GRAMD1C: variants seen among roughly 807,000 people sequenced by gnomAD.
GRAMD1C encodes the protein GRAM domain containing 1C.
In GRAMD1C, 89 loss-of-function variants were observed where a neutral mutation model predicts 97.8. That is an observed-to-expected ratio of 0.91 (90% CI 0.77 to 1.09). The LOEUF (loss-of-function observed/expected upper bound fraction) is 1.09. Ranked by LOEUF, GRAMD1C falls within the 50% of genes least tolerant of loss-of-function variation. The pLI, the probability that GRAMD1C is intolerant of heterozygous loss-of-function variation, is 0.00. For synonymous variants in GRAMD1C, 256 were observed against 267.0 expected (o/e 0.96, Z 0.40); for missense variants, 740 against 766.4 (o/e 0.97, Z 0.41).
intron 8 of GRAMD1C, among the ~76,000 whole-genome samples, chr3:113,906,789 T>C (rs1031718921): frequency 6.6e-6 from 1 of 152,218 alleles, no homozygotes; most frequent in African/African-American, 2.4e-5. Flanking sequence ...AACTCAGTCC[T>C]GTAAGCTCCA....
chr3:113,891,522 C>T (rs1273178400), intron 6 of GRAMD1C, among the ~76,000 whole-genome samples: 1 of 151,928 alleles, frequency 6.6e-6, no homozygotes, highest in Non-Finnish European at 1.5e-5. Context: ...AAATATACAG[C>T]ATAGCTACAA....
intron 6 of GRAMD1C, among the ~76,000 whole-genome samples, chr3:113,899,863 T>C (rs1425911444): frequency 2.0e-5 from 3 of 152,194 alleles, no homozygotes; most frequent in African/African-American, 7.2e-5. Flanking sequence ...TTATTAAAGA[T>C]AAATCAAAGG....
intron 6 of GRAMD1C, among the ~76,000 whole-genome samples, chr3:113,886,777 G>GTTTTTTTTTTTTTTTTTTTTTTTTTT (rs34683672): frequency 1.2e-5 from 1 of 80,042 alleles, no homozygotes; most frequent in Non-Finnish European, 2.3e-5. Context: ...TTGTTTGCTT[G>GTTTTTTTTTTTTTTTTTTTTTTTTTT]TTTTTTTTTT....
intron 10 of GRAMD1C, chr3:113,919,335 C>T (rs1430202562): frequency 2.0e-6 from 1 of 491,818 alleles, no homozygotes; most frequent in Non-Finnish European, 4.1e-6. Context: ...AGTAGAAAAA[C>T]ACCATCTCTT....
intron 2 of GRAMD1C, among the ~76,000 whole-genome samples, chr3:113,852,949 T>C (rs1933971371): frequency 6.6e-6 from 1 of 152,208 alleles, no homozygotes; most frequent in Admixed American, 6.5e-5. Flanking sequence ...CCATCTCTCA[T>C]GAAGTTTTGG....
Position 113,889,206 on chromosome 3 carries a change from A to T in GRAMD1C, c.540+6374A>T, listed in dbSNP as rs546299841. ...TAAGAGCAAAACTCCTTCTAAAAAA[A>T]AACGTATATCCACACAGTGGAATAT... On this transcript the variant is annotated intron_variant, in intron 6 of 17. Coordinates refer to ENST00000358160, the MANE Select transcript of GRAMD1C (RefSeq NM_017577.5). 3.3e-5 allele frequency among the ~76,000 whole-genome samples: 5 copies of T among 152,048 alleles called. No individual in the cohort carries two copies. In the East Asian group the frequency reaches 9.7e-4, roughly 29 times the overall value.
chr3:113,859,505 A>G (rs947235070), intron 2 of GRAMD1C, among the ~76,000 whole-genome samples: 2 of 152,202 alleles, frequency 1.3e-5, no homozygotes, highest in Admixed American at 6.5e-5. Context: ...TATATAGTCT[A>G]TTTTGGTAAT....
In GRAMD1C at chr3:113,901,134, A is replaced by T. The variant is rs762496669; in HGVS notation, c.644A>T (p.Asp215Val). ...GAAAACTTGTCACTGTCGATTGAGGATGTGCAGCCAAGGTACAGCAAAATG... is the reference window on the plus strand; with the variant it reads ...GAAAACTTGTCACTGTCGATTGAGGTTGTGCAGCCAAGGTACAGCAAAATG... ...EMENLSLSIE[D>V]VQPRSPGRSS... is the part of the protein sequence containing the mutation. The change falls in exon 7 of 18, where the codon GAT becomes GTT. Residue 215 changes from aspartate to valine, a missense_variant. Coordinates refer to ENST00000358160, the MANE Select transcript of GRAMD1C (RefSeq NM_017577.5). The T allele has an allele frequency of 1.8e-5, 28 of 1,557,762 alleles. No homozygotes were observed. The South Asian group carries it at 3.1e-4, about 17-fold the overall frequency.
intron 1 of GRAMD1C, among the ~76,000 whole-genome samples, chr3:113,840,111 C>T (rs1445304645): frequency 6.6e-6 from 1 of 152,104 alleles, no homozygotes. Flanking sequence ...GAACTACAGG[C>T]GCCCGCCACC....
upstream of GRAMD1C, chr3:113,838,471 C>G (rs1407860142): frequency 6.3e-6 from 1 of 157,976 alleles, no homozygotes; most frequent in Admixed American, 6.5e-5. Flanking sequence ...ACTCGGGAGG[C>G]TGAGGCAGGA....
intron 16 of GRAMD1C, 41 bp from the exon 17 acceptor site, chr3:113,940,199 A>G: frequency 8.7e-7 from 1 of 1,148,638 alleles, no homozygotes; most frequent in Non-Finnish European, 1.3e-6. Flanking sequence ...AAAAGATCAG[A>G]AGCTATTCTC....
chr3:113,854,615 G>A (rs1934046407), intron 2 of GRAMD1C, among the ~76,000 whole-genome samples: 1 of 152,054 alleles, frequency 6.6e-6, no homozygotes, highest in South Asian at 2.1e-4. Context: ...GCCAGCTTTT[G>A]GACTGTTGTC....
intron 6 of GRAMD1C, among the ~76,000 whole-genome samples, chr3:113,898,251 T>C (rs986808844): frequency 6.6e-6 from 1 of 152,156 alleles, no homozygotes; most frequent in African/African-American, 2.4e-5. Flanking sequence ...TGAGTATTCA[T>C]CATTGGTTTA....
At position 113,919,506 on chromosome 3, in the gene GRAMD1C, C is replaced by A. The variant is rs562411117; in HGVS notation, c.1090+3668C>A. On this transcript the variant is annotated intron_variant, in intron 10 of 17. Coordinates refer to ENST00000358160, the MANE Select transcript of GRAMD1C (RefSeq NM_017577.5). ...TTTATAAACCTAATGAAAGAACTAGCCTTACCTGGAGAACTGACTCAGAGA... is the reference window on the plus strand; with the variant it reads ...TTTATAAACCTAATGAAAGAACTAGACTTACCTGGAGAACTGACTCAGAGA... 30 of 539,044 alleles carry A rather than the reference C, an allele frequency of 5.6e-5. No individual in the cohort carries two copies. In the Middle Eastern group the frequency reaches 2.8e-3, roughly 49 times the overall value. The allele number at this position is 539,044 out of a possible 1,614,324, so 33.4% of individuals were successfully genotyped here. A position where few individuals can be genotyped will look rare whatever the true frequency, so the allele number is the denominator to read the frequency against.
At chr3:113,945,361 AAATT>A (rs1249012773) in intron 17 of GRAMD1C, 33 bp from the exon 18 acceptor site, 1 of 1,331,738 alleles carries the variant, frequency 7.5e-7, no homozygotes, top group African/African-American at 1.5e-5. Context: ...CTGATTAGAA[AAATT>A]AATCTGATTT....
intron 2 of GRAMD1C, among the ~76,000 whole-genome samples, chr3:113,858,659 G>T (rs1312105261): frequency 6.6e-6 from 1 of 152,114 alleles, no homozygotes; most frequent in Non-Finnish European, 1.5e-5. Flanking sequence ...TTCCCAAAGT[G>T]CTGGGATTAC....
At position 113,933,604 on chromosome 3, in the gene GRAMD1C, G is replaced by C; in HGVS notation, c.1303G>C (p.Val435Leu). 6.2e-7 allele frequency: 1 copy of C among 1,603,742 alleles called. No homozygotes were observed. Among genetic ancestry groups the C allele is most frequent in the Non-Finnish European group, 8.5e-7 (1 of 1,170,680 alleles). The change falls in exon 12 of 18, where the codon GTG becomes CTG. Residue 435 changes from valine (V) to leucine (L), a missense_variant. Coordinates refer to ENST00000358160, the MANE Select transcript of GRAMD1C (RefSeq NM_017577.5). ...CCCCTACCATGATTACTTCTATACC[G>C]TGAACAGATACTGTATCATCCGATC... ...DVPYHDYFYT[V>L]NRYCIIRSSK...
At chr3:113,891,744 A>G (rs1317520692) in intron 6 of GRAMD1C, among the ~76,000 whole-genome samples, 1 of 151,514 alleles carries the variant, frequency 6.6e-6, no homozygotes, top group African/African-American at 2.4e-5. Flanking sequence ...AAAATTAGCT[A>G]GGTGTGGTGG....
chr3:113,915,730 A>G lies in GRAMD1C; in HGVS notation c.982A>G (p.Arg328Gly). ...TGTTCCTGAGAAAGATCTTCATGGA[A>G]GACTTTTTATCAACCGTATTTTTCA... ...ENVPEKDLHG[R>G]LFINRIFHIS... Residue 328 changes from arginine to glycine, a missense_variant, in exon 10 of 18, where the codon AGA (arginine) becomes GGA (glycine). Coordinates refer to ENST00000358160, the MANE Select transcript of GRAMD1C (RefSeq NM_017577.5). 1 of 1,609,816 alleles carries G rather than the reference A, an allele frequency of 6.2e-7. No individual in the cohort carries two copies. Among genetic ancestry groups the G allele is most frequent in the Non-Finnish European group, 8.5e-7 (1 of 1,176,898 alleles).
Sources: allele counts gnomAD v4.1 joint callset (sites outside exome capture counted in the v4.1 genomes callset), GRCh38; gene constraint gnomAD v4.1.1; transcripts MANE v1.5; gene names NCBI Gene and HGNC (gene_info 2026-07-23, HGNC 2026-07-21).